JARID2: variants seen among roughly 807,000 people sequenced by gnomAD.
JARID2 encodes the protein jumonji and AT-rich interaction domain containing 2.
In JARID2, 21 loss-of-function variants were observed where a neutral mutation model predicts 125.6. That is an observed-to-expected ratio of 0.17 (90% CI 0.12 to 0.24). The LOEUF is 0.24. Among genes scored for constraint, JARID2 ranks in the 10% least tolerant of loss-of-function variants. JARID2 has a pLI of 1.00. For missense variants in JARID2, 1,303 were observed against 1,639.6 expected (o/e 0.79, Z 3.55); for synonymous variants, 736 against 661.6 (o/e 1.11, Z -1.73).
intron 1 of JARID2, among the ~76,000 whole-genome samples, chr6:15,277,792 A>C (rs948711147): frequency 1.0e-4 from 15 of 147,732 alleles, no homozygotes; most frequent in Admixed American, 4.0e-4. Context: ...AAAAAAAAAA[A>C]AACAGTCAAG....
At chr6:15,452,500 T>G (rs1185108684) in intron 4 of JARID2, among the ~76,000 whole-genome samples, 2 of 152,206 alleles carry the variant, frequency 1.3e-5, no homozygotes, top group Admixed American at 1.3e-4. Context: ...ACACACACAT[T>G]GCTGACTTGT....
intron 9 of JARID2, chr6:15,505,032 A>C (rs1411874968): frequency 1.3e-5 from 2 of 159,376 alleles, no homozygotes; most frequent in African/African-American, 2.4e-5. Flanking sequence ...GCTTCTGCCA[A>C]CTCTCTTCTT....
intron 1 of JARID2, among the ~76,000 whole-genome samples, chr6:15,277,250 G>A (rs2127366676): frequency 6.6e-6 from 1 of 152,260 alleles, no homozygotes; most frequent in African/African-American, 2.4e-5. Context: ...ATATGCAGGG[G>A]CTGGAGTTAC....
intron 1 of JARID2, among the ~76,000 whole-genome samples, chr6:15,266,043 A>T (rs1018862555): frequency 3.9e-5 from 6 of 152,204 alleles, no homozygotes; most frequent in Admixed American, 2.6e-4. Flanking sequence ...AAGAGATGGC[A>T]CGAGGCTTAG....
intron 3 of JARID2, among the ~76,000 whole-genome samples, chr6:15,414,427 A>G (rs1226238406): frequency 5.3e-5 from 8 of 152,194 alleles, no homozygotes; most frequent in Admixed American, 3.3e-4. Context: ...CTTTTTAGCT[A>G]TAGAAACCAG....
At chr6:15,454,395 G>A (rs149708306) in intron 4 of JARID2, among the ~76,000 whole-genome samples, 88 of 152,294 alleles carry the variant, frequency 5.8e-4, no homozygotes, top group African/African-American at 2.0e-3. Context: ...AGCCCTTGTC[G>A]GTTGTTGAGC....
intron 1 of JARID2, among the ~76,000 whole-genome samples, chr6:15,281,595 CT>C (rs1354936416): frequency 6.6e-6 from 1 of 152,214 alleles, no homozygotes; most frequent in Non-Finnish European, 1.5e-5. Flanking sequence ...CCCCACTTCA[CT>C]TGGGGCCTAT....
chr6:15,464,904 G>A (rs570844017), intron 4 of JARID2, among the ~76,000 whole-genome samples: 3 of 152,138 alleles, frequency 2.0e-5, no homozygotes, highest in Non-Finnish European at 4.4e-5. Flanking sequence ...AAGAAATTGT[G>A]TTCTTTCTTA....
Position 15,506,974 on chromosome 6 carries a change from G to A in JARID2, c.2542-162G>A, listed in dbSNP as rs146955375. 1.7e-3 allele frequency among the ~76,000 whole-genome samples: 266 copies of A among 152,326 alleles called. 2 individuals carry two copies. In the Middle Eastern group the frequency reaches 0.024, roughly 14 times the overall value. ...ATATGCCTGGAGGTGACCTGTCATTGCTTTCTGCATTAGCGTCCTGCTGGA... is the reference window on the plus strand; with the variant it reads ...ATATGCCTGGAGGTGACCTGTCATTACTTTCTGCATTAGCGTCCTGCTGGA... On this transcript the variant is annotated intron_variant, in intron 9 of 17. Transcript: ENST00000341776.
At chr6:15,507,511 G>T in intron 11 of JARID2, 95 bp downstream of exon 11, 2 of 979,248 alleles carry the variant, frequency 2.0e-6, no homozygotes, top group Non-Finnish European at 3.2e-6. Context: ...AAGCACTGCC[G>T]GGGAGGGATG....
At chr6:15,468,413 AAAT>A in intron 4 of JARID2, 126 bp from the exon 5 acceptor site, 1 of 718,506 alleles carries the variant, frequency 1.4e-6, no homozygotes, top group Non-Finnish European at 2.1e-6. Context: ...TTTGAAAAAT[AAAT>A]TTAAAATGGC....
At chr6:15,470,512 G>T (rs535330506) in intron 5 of JARID2, among the ~76,000 whole-genome samples, 1 of 152,326 alleles carries the variant, frequency 6.6e-6, no homozygotes, top group East Asian at 1.9e-4. Flanking sequence ...TTTCATTGTT[G>T]TTGGGCATTT....
chr6:15,275,152 TTGCAAAA>T (rs1760447962), intron 1 of JARID2, among the ~76,000 whole-genome samples: 1 of 152,186 alleles, frequency 6.6e-6, no homozygotes, highest in Non-Finnish European at 1.5e-5. Context: ...TGATCTCTCC[TTGCAAAA>T]TGTTTCTGGG....
chr6:15,475,601 C>T (rs1462730525), intron 5 of JARID2, among the ~76,000 whole-genome samples: 1 of 152,246 alleles, frequency 6.6e-6, no homozygotes, highest in Non-Finnish European at 1.5e-5. Flanking sequence ...CACCTGCGAC[C>T]TCAGGAAGCT....
At chr6:15,412,212 TG>T (rs995445743) in intron 3 of JARID2, among the ~76,000 whole-genome samples, 2 of 152,134 alleles carry the variant, frequency 1.3e-5, no homozygotes, top group Admixed American at 6.5e-5. Flanking sequence ...TTGATAGGCT[TG>T]GGTAGATTTT....
At position 15,334,076 on chromosome 6, in the gene JARID2, G is replaced by A. The variant is rs368952755; in HGVS notation, c.46-40041G>A. 1.3e-5 allele frequency among the ~76,000 whole-genome samples: 2 copies of A among 152,304 alleles called. 1 individual carries two copies. On this transcript the variant is annotated intron_variant, in intron 1 of 17. Transcript: ENST00000341776. ...GGGCTTGCTCAGTACATGCAGAGGT[G>A]TTCCCAGAGCATGTATAAGTCTGTA...
chr6:15,369,658 A>G (rs751219248), intron 1 of JARID2, among the ~76,000 whole-genome samples: 1 of 152,248 alleles, frequency 6.6e-6, no homozygotes, highest in African/African-American at 2.4e-5. Flanking sequence ...TGACTTGAAC[A>G]TATGATTGAG....
chr6:15,443,939 A>G (rs1767553341), intron 3 of JARID2, among the ~76,000 whole-genome samples: 1 of 152,220 alleles, frequency 6.6e-6, no homozygotes. Context: ...AATTCAACTA[A>G]CAAAAGATTT....
Position 15,272,632 on chromosome 6 carries a change from C to G in JARID2, c.45+26048C>G, listed in dbSNP as rs1190141758. On this transcript the variant is annotated intron_variant, in intron 1 of 17. Coordinates refer to ENST00000341776, the MANE Select transcript of JARID2 (RefSeq NM_004973.4). ...CCAGGGTTGGACCCCCCTACCACTACTTGACCCCAAATCAGGATGTTTCAC... is the reference window on the plus strand; with the variant it reads ...CCAGGGTTGGACCCCCCTACCACTAGTTGACCCCAAATCAGGATGTTTCAC... Among the ~76,000 whole-genome samples, 3 of 152,320 alleles carry G rather than the reference C, an allele frequency of 2.0e-5. No individual in the cohort carries two copies. In the East Asian group the frequency reaches 5.8e-4, roughly 29 times the overall value.
Sources: gnomAD v4.1 joint callset for allele counts (sites outside exome capture counted in the v4.1 genomes callset) on GRCh38, gnomAD v4.1.1 for gene constraint, MANE v1.5 for transcripts, NCBI Gene and HGNC (gene_info 2026-07-23, HGNC 2026-07-21) for gene names.